Variants in ARHGAP6 observed in about 807,000 individuals in gnomAD.
ARHGAP6 encodes rho GTPase-activating protein 6.
In ARHGAP6, 16 loss-of-function variants were observed where a neutral mutation model predicts 55.7. The observed-to-expected ratio is 0.29, with a 90% CI of 0.19 to 0.44. The LOEUF is 0.44. Ranked by LOEUF, ARHGAP6 falls within the 20% of genes least tolerant of loss-of-function variation. ARHGAP6 has a pLI of 1.00. For missense variants in ARHGAP6, 698 were observed against 808.9 expected, an observed-to-expected ratio of 0.86 and a Z score of 1.66; for synonymous variants, 382 against 360.9, an observed-to-expected ratio of 1.06 and a Z score of -0.66.
chrX:11,300,023 G>C (rs902120494), intron 1 of ARHGAP6, among the ~76,000 whole-genome samples: 3 of 111,887 alleles, frequency 2.7e-5, no homozygotes, highest in African/African-American at 9.7e-5. Context: ...GCATGTTTAC[G>C]GAAAATATGG....
At chrX:11,348,968 A>G (rs1444910578) in intron 1 of ARHGAP6, among the ~76,000 whole-genome samples, 1 of 110,843 alleles carries the variant, frequency 9.0e-6, no homozygotes, top group East Asian at 2.8e-4. Context: ...TTTGGGAAAA[A>G]TAGGCCAGGC....
intron 2 of ARHGAP6, among the ~76,000 whole-genome samples, chrX:11,230,454 C>G (rs1257131774): frequency 9.0e-6 from 1 of 111,230 alleles, no homozygotes; most frequent in East Asian, 2.8e-4. Flanking sequence ...CCTTGGCGTC[C>G]CAAAGTGCTG....
At chrX:11,365,651 TA>T (rs1285387570) in intron 1 of ARHGAP6, among the ~76,000 whole-genome samples, 1 of 112,630 alleles carries the variant, frequency 8.9e-6, no homozygotes, top group Admixed American at 9.4e-5. Context: ...TCACGTTCAT[TA>T]AAAAATAATT....
At chrX:11,209,309 T>G (rs905164791) in intron 2 of ARHGAP6, among the ~76,000 whole-genome samples, 1 of 111,239 alleles carries the variant, frequency 9.0e-6, no homozygotes, top group African/African-American at 3.3e-5. Flanking sequence ...GCCTGGCTAA[T>G]TTTTTCTGCG....
chrX:11,415,939 G>T (rs1289392120), intron 1 of ARHGAP6, among the ~76,000 whole-genome samples: 1 of 111,854 alleles, frequency 8.9e-6, no homozygotes, highest in African/African-American at 3.3e-5. Flanking sequence ...TTATGCCACT[G>T]AATGTCAGAG....
intron 2 of ARHGAP6, among the ~76,000 whole-genome samples, chrX:11,250,359 T>C (rs1051459165): frequency 1.8e-5 from 2 of 112,311 alleles, no homozygotes; most frequent in African/African-American, 6.5e-5. Context: ...TGAGACTCTG[T>C]GTTGTGGGAT....
At chrX:11,171,173 T>C (rs1224056968) in intron 8 of ARHGAP6, among the ~76,000 whole-genome samples, 1 of 111,184 alleles carries the variant, frequency 9.0e-6, no homozygotes, top group African/African-American at 3.3e-5. Flanking sequence ...TAAAAAATTA[T>C]TCACATTCAA....
At chrX:11,467,494 A>G (rs1409910279) in intron 1 of ARHGAP6, among the ~76,000 whole-genome samples, 13 of 111,599 alleles carry the variant, frequency 1.2e-4, no homozygotes, top group African/African-American at 4.2e-4. Context: ...AAGTGAAAAC[A>G]ACTCTTAACA....
At chrX:11,313,157 A>G (rs1252608132) in intron 1 of ARHGAP6, among the ~76,000 whole-genome samples, 3 of 112,517 alleles carry the variant, frequency 2.7e-5, no homozygotes. Flanking sequence ...TACTCTGCCT[A>G]TAAGAGGCAA....
rs1006646194 is a variant in ARHGAP6 at position 11,300,505 on chromosome X, T to C, written c.589-45798A>G. 5.3e-5 allele frequency: 36 copies of C among 685,440 alleles called. No individual in the cohort carries two copies. The African/African-American group carries it at 6.7e-4, about 13-fold the overall frequency. The allele number at this position is 685,440 out of a possible 1,213,427, so 56.5% of individuals were successfully genotyped here. ...TTATAGAGTTCAACTTAAATGGTTG[T>C]ACATTGTTTTGACAAAACTGAAGCC... On this transcript the variant is annotated intron_variant, in intron 1 of 12. Transcript: ENST00000337414.
At chrX:11,373,120 C>CACAT (rs1556001835) in intron 1 of ARHGAP6, among the ~76,000 whole-genome samples, 4 of 67,660 alleles carry the variant, frequency 5.9e-5, no homozygotes, top group African/African-American at 1.7e-4. Context: ...CACACACACA[C>CACAT]ATATATATAT....
chrX:11,343,586 A>G (rs2048732603), intron 1 of ARHGAP6, among the ~76,000 whole-genome samples: 1 of 112,014 alleles, frequency 8.9e-6, no homozygotes, highest in South Asian at 3.7e-4. Context: ...TTGTCAAAGT[A>G]TAGTCCCTAG....
At chrX:11,460,202 G>C (rs1006887106) in intron 1 of ARHGAP6, among the ~76,000 whole-genome samples, 7 of 111,723 alleles carry the variant, frequency 6.3e-5, no homozygotes, top group African/African-American at 2.3e-4. Flanking sequence ...TGAGAAGTAA[G>C]TTGCCAGATT....
At position 11,169,466 on chromosome X, in the gene ARHGAP6, C is replaced by A. The variant is rs370616476; in HGVS notation, c.1809+39G>T. On this transcript the variant is annotated intron_variant, in intron 9 of 12. Coordinates refer to ENST00000337414, the MANE Select transcript of ARHGAP6 (RefSeq NM_013427.3). ...CCTGCCTCCAGAGGAAACCAATAGG[C>A]AGTTTGCTGTGATGTCCTGCCACAG... 3.2e-5 allele frequency: 36 copies of A among 1,141,998 alleles called. No individual in the cohort carries two copies. The Admixed American group carries it at 8.4e-4, about 27-fold the overall frequency. The allele number at this position is 1,141,998 out of a possible 1,213,427, so 94.1% of individuals were successfully genotyped here.
intron 1 of ARHGAP6, among the ~76,000 whole-genome samples, chrX:11,648,267 T>C (rs187372379): frequency 1.3e-3 from 148 of 111,950 alleles, no homozygotes; most frequent in African/African-American, 4.5e-3. Flanking sequence ...CTGTACCCCA[T>C]AAATATGTAC....
Position 11,139,529 on chromosome X carries a change from A to G in ARHGAP6, c.2259T>C (p.Gly753=), listed in dbSNP as rs1367930356. Residue 753 remains glycine (G), a splice_region_variant and synonymous_variant, in exon 13 of 13, where the codon GGT becomes GGC. Transcript: ENST00000337414. ...TGCTTTCAAAAATGTCTCCAGAGGA[A>G]CCTGGAAGCCAGAGAGAAAGCCCAA... ...KSGSKDPGMT[G]SSGDIFESSS... 8.8e-7 allele frequency: 1 copy of G among 1,135,816 alleles called. No individual in the cohort carries two copies. Among genetic ancestry groups the G allele is most frequent in the South Asian group, 2.2e-5 (1 of 45,773 alleles). 93.6% of individuals were successfully genotyped at this position (1,135,816 alleles called of 1,213,427 possible).
chrX:11,641,985 T>TC (rs1390948207), intron 1 of ARHGAP6, among the ~76,000 whole-genome samples: 1 of 112,164 alleles, frequency 8.9e-6, no homozygotes, highest in Non-Finnish European at 1.9e-5. Flanking sequence ...CCAGAGTTTT[T>TC]CTACATTGCT....
At chrX:11,485,023 A>C in intron 1 of ARHGAP6, among the ~76,000 whole-genome samples, 2 of 109,742 alleles carry the variant, frequency 1.8e-5, no homozygotes, top group Middle Eastern at 9.5e-3. Context: ...TGGAAAACAA[A>C]CAAACAACAA....
intron 1 of ARHGAP6, among the ~76,000 whole-genome samples, chrX:11,621,591 C>T (rs1193791772): frequency 9.0e-6 from 1 of 110,914 alleles, no homozygotes; most frequent in African/African-American, 3.3e-5. Flanking sequence ...TACCCAGAAG[C>T]CAGCAAAAAG....
Sources: allele counts gnomAD v4.1 joint callset (sites outside exome capture counted in the v4.1 genomes callset), GRCh38; gene constraint gnomAD v4.1.1; transcripts MANE v1.5; gene names NCBI Gene and HGNC (gene_info 2026-07-23, HGNC 2026-07-21).